PRH1: variants seen among roughly 807,000 people sequenced by gnomAD.
PRH1 encodes salivary acidic proline-rich phosphoprotein 1/2.
A neutral mutation model predicts 7.9 loss-of-function variants in PRH1; 7 were observed. The observed-to-expected ratio is 0.89, with a 90% CI of 0.50 to 1.67. The LOEUF is 1.67. Ranked by LOEUF, PRH1 falls within the 40% of genes most tolerant of loss-of-function variation. The pLI is 0.00. For synonymous variants in PRH1, 45 were observed against 80.8 expected, an observed-to-expected ratio of 0.56 and a Z score of 2.38; for missense variants, 109 against 223.6, an observed-to-expected ratio of 0.49 and a Z score of 3.27.
At chr12:11,049,448 TTA>T (rs199607282), upstream of PRH1, among the ~76,000 whole-genome samples, 281 of 146,894 alleles carry the variant, frequency 1.9e-3, no homozygotes, top group Middle Eastern at 7.0e-3. Flanking sequence ...AAAGCTGTCT[TTA>T]TAGAAATAGA....
At chr12:10,902,212 T>C (rs973583460) in intron 2 of PRH1, among the ~76,000 whole-genome samples, 13 of 152,052 alleles carry the variant, frequency 8.5e-5, no homozygotes, top group African/African-American at 3.1e-4. Context: ...TAAGGAATTA[T>C]AAAGTACAAT....
chr12:11,020,736 C>T (rs1941579415), intron 1 of PRH1, among the ~76,000 whole-genome samples: 1 of 134,172 alleles, frequency 7.5e-6, no homozygotes, highest in African/African-American at 2.6e-5. Flanking sequence ...GTTTCTATAC[C>T]CTCCTTTGAT....
chr12:11,045,290 G>C (rs1219937996), intron 1 of PRH1, among the ~76,000 whole-genome samples: 1 of 149,528 alleles, frequency 6.7e-6, no homozygotes, highest in African/African-American at 2.5e-5. Context: ...GGAGGCTAAA[G>C]GGAAGGAGTG....
intron 1 of PRH1, among the ~76,000 whole-genome samples, chr12:11,015,215 C>T (rs1260023559): frequency 6.6e-6 from 1 of 152,260 alleles, no homozygotes; most frequent in Non-Finnish European, 1.5e-5. Context: ...GAGCAGCCCA[C>T]CCTAAGGGGC....
intron 1 of PRH1, among the ~76,000 whole-genome samples, chr12:11,055,522 A>C (rs1031214039): frequency 6.6e-5 from 10 of 152,282 alleles, no homozygotes; most frequent in Non-Finnish European, 2.9e-5. Flanking sequence ...ATGCTACTGA[A>C]TGAGTTCAAG....
intron 1 of PRH1, among the ~76,000 whole-genome samples, chr12:11,026,859 A>G (rs1453214352): frequency 6.6e-6 from 1 of 152,248 alleles, no homozygotes; most frequent in Non-Finnish European, 1.5e-5. Flanking sequence ...GGAAAAATCA[A>G]AACAATTTGC....
rs980924017 is a variant in PRH1, at chr12:10,882,177, G to C, written c.*18+40C>G. 80 of 1,609,170 alleles carry C rather than the reference G, an allele frequency of 5.0e-5. 1 individual carries two copies. In the Middle Eastern group the frequency reaches 1.2e-3, roughly 24 times the overall value. ...GGCACAATGAAGTTGGAGAACTGTA[G>C]CAGTTGGAGCCTTTGATGGATAATA... On this transcript the variant is annotated intron_variant, in intron 3 of 3. Transcript: ENST00000543626.
Position 11,030,324 on chromosome 12 carries a change from A to G in PRH1, c.-126+16696T>C, listed in dbSNP as rs1413486107. On this transcript the variant is annotated intron_variant, in intron 1 of 3. Coordinates refer to the PRH1 transcript ENST00000539853. ...ATTATTCATACACATACAGTATAGAAAAACCAGTAAGAAATATAAAATGTT... is the reference window on the plus strand; with the variant it reads ...ATTATTCATACACATACAGTATAGAGAAACCAGTAAGAAATATAAAATGTT... 9 of 1,537,878 alleles carry G rather than the reference A, an allele frequency of 5.9e-6. No individual in the cohort carries two copies. The East Asian group carries it at 1.8e-4, about 31-fold the overall frequency.
At position 11,129,583 on chromosome 12, in the gene PRH1, C is replaced by T. The variant is rs114771234; in HGVS notation, n.40-8403G>A. ...CCTCTACCAAAACCAGATGGGTTAT[C>T]GAATGAATGCAGACTACCATAAACT... On this transcript the variant is annotated intron_variant and non_coding_transcript_variant, in intron 1 of 1. Coordinates refer to the PRH1 transcript ENST00000541175. Among the ~76,000 whole-genome samples, 6 of 15,554 alleles carry T rather than the reference C, an allele frequency of 3.9e-4. No individual in the cohort carries two copies. The Admixed American group carries it at 0.011, about 27-fold the overall frequency. 10.2% of individuals were successfully genotyped at this position (15,554 alleles called of 152,430 possible).
intron 2 of PRH1, among the ~76,000 whole-genome samples, chr12:10,955,978 A>G (rs116374925): frequency 0.02 from 3,022 of 152,266 alleles, 33 homozygotes; most frequent in South Asian, 0.031. Flanking sequence ...AGGACCTGAT[A>G]GATTCTCAGC....
intron 1 of PRH1, among the ~76,000 whole-genome samples, chr12:11,075,689 G>A (rs200873541): frequency 0.27 from 18,251 of 68,458 alleles, 769 homozygotes; most frequent in East Asian, 0.36. Context: ...TGATATAGCT[G>A]CATCAAAGCT....
At chr12:11,084,459 A>C (rs1051075003) in intron 1 of PRH1, among the ~76,000 whole-genome samples, 1 of 125,912 alleles carries the variant, frequency 7.9e-6, no homozygotes, top group Non-Finnish European at 1.8e-5. Flanking sequence ...TATTCTGATA[A>C]GGATACAAAT....
intron 1 of PRH1, among the ~76,000 whole-genome samples, chr12:11,098,660 T>C (rs1042502158): frequency 6.6e-6 from 1 of 152,248 alleles, no homozygotes; most frequent in Non-Finnish European, 1.5e-5. Context: ...ATTACCAATA[T>C]GGACTTTTTA....
At chr12:11,064,939 A>G (rs1943748935) in intron 1 of PRH1, among the ~76,000 whole-genome samples, 1 of 152,024 alleles carries the variant, frequency 6.6e-6, no homozygotes, top group South Asian at 2.1e-4. Flanking sequence ...CACAAGGCTG[A>G]GGTGGGAGGA....
chr12:11,026,408 A>G (rs1209035951), intron 1 of PRH1, among the ~76,000 whole-genome samples: 2 of 150,424 alleles, frequency 1.3e-5, no homozygotes, highest in African/African-American at 5.0e-5. Flanking sequence ...ATCAGTTTGT[A>G]GTTACTACCT....
chr12:11,138,146 T>C (rs1044615465), intron 1 of PRH1, among the ~76,000 whole-genome samples: 2 of 152,210 alleles, frequency 1.3e-5, no homozygotes, highest in Non-Finnish European at 2.9e-5. Context: ...TTTGGGTTTT[T>C]TTGTGCAGTT....
Position 11,093,494 on chromosome 12 carries a change from T to A in PRH1, n.124-46306A>T, listed in dbSNP as rs143492501. Among the ~76,000 whole-genome samples the A allele has an allele frequency of 6.9e-3, 805 of 116,654 alleles. 200 individuals are homozygous for A. Among genetic ancestry groups the A allele is most frequent in the African/African-American group, 0.021 (730 of 34,870 alleles). The allele number at this position is 116,654 out of a possible 152,430, so 76.5% of individuals were successfully genotyped here. A position where few individuals can be genotyped will look rare whatever the true frequency, so the allele number is the denominator to read the frequency against. Reference sequence around the variant, plus strand: ...GAGGCTGTGCAGATGAAATTAGTCCTATTTTCCCGGGTTTTCAGCCCATGA... The same window carrying A: ...GAGGCTGTGCAGATGAAATTAGTCCAATTTTCCCGGGTTTTCAGCCCATGA... On this transcript the variant is annotated intron_variant and non_coding_transcript_variant, in intron 1 of 4. Transcript: ENST00000541977.
intron 2 of PRH1, chr12:10,908,537 A>G: frequency 1.2e-6 from 2 of 1,614,006 alleles, no homozygotes; most frequent in Non-Finnish European, 1.7e-6. Context: ...GATACAGCTC[A>G]GAAATCCATG....
At chr12:11,123,054 T>G (rs1028985291) in intron 1 of PRH1, among the ~76,000 whole-genome samples, 3 of 152,168 alleles carry the variant, frequency 2.0e-5, no homozygotes, top group African/African-American at 7.2e-5. Context: ...ATAGCTTCGT[T>G]TGGTCTGCTT....
Sources: allele counts gnomAD v4.1 joint callset (sites outside exome capture counted in the v4.1 genomes callset), GRCh38; gene constraint gnomAD v4.1.1; transcripts MANE v1.5; gene names NCBI Gene and HGNC (gene_info 2026-07-23, HGNC 2026-07-21).